The following CANT1 variants were observed in gnomAD, a reference collection of about 807,000 sequenced individuals.
CANT1 encodes the protein calcium activated nucleotidase 1.
A neutral mutation model predicts 30.0 loss-of-function variants in CANT1; 26 were observed. That is an observed-to-expected ratio of 0.87 (90% CI 0.64 to 1.20). CANT1 has a LOEUF of 1.20. Ranked by LOEUF, CANT1 falls within the 50% of genes most tolerant of loss-of-function variation. The pLI, the probability that CANT1 is intolerant of heterozygous loss-of-function variation, is 0.00. For missense variants in CANT1, 518 were observed against 563.0 expected (o/e 0.92, Z 0.81); for synonymous variants, 246 against 251.8 (o/e 0.98, Z 0.22).
rs145472081 is a variant in CANT1, at chr17:78,993,742, C to T, written c.1014G>A (p.Val338=). The T allele has an allele frequency of 1.2e-4, 187 of 1,613,888 alleles. No homozygotes were observed. The African/African-American group carries it at 2.4e-3, about 20-fold the overall frequency. The change falls in exon 5 of 5, where the codon GTG becomes GTA. Residue 338 remains valine, a synonymous_variant. Coordinates refer to ENST00000392446, the MANE Select transcript of CANT1 (RefSeq NM_001159773.2). The surrounding 1 kb of genome is among the most constrained non-coding windows in gnomAD (Gnocchi z 4.5). ...GDIAVSHVGA[V]VPTHGFSSFK... is the part of the protein sequence containing the mutation. Reference sequence around the variant, plus strand: ...AGGACGAGAAGCCGTGAGTGGGGACCACCGCCCCGACGTGGCTCACAGCGA... The same window carrying T: ...AGGACGAGAAGCCGTGAGTGGGGACTACCGCCCCGACGTGGCTCACAGCGA...
chr17:79,006,341 C>T (rs1393897248), intron 1 of CANT1: 1 of 152,258 alleles, frequency 6.6e-6, no homozygotes, highest in Admixed American at 6.5e-5. Flanking sequence ...TTCTTAAGGA[C>T]CCTGTGATTA....
chr17:78,997,079 C>A lies in CANT1; in HGVS notation c.544G>T (p.Asp182Tyr). 1 of 1,614,216 alleles carries A rather than the reference C, an allele frequency of 6.2e-7. No individual in the cohort carries two copies. The highest frequency in any genetic ancestry group is 8.5e-7 in the Non-Finnish European group (1 of 1,180,046). ...ATCTGGTAGACGACCCCCGTCCGGT[C>A]ATCCACGGAGTAGAGTTTCCCATTG... ...VFNGKLYSVDDRTGVVYQIEG... is the reference protein window; with the variant it reads ...VFNGKLYSVDYRTGVVYQIEG... The change falls in exon 3 of 5, where the codon GAC (aspartate) becomes TAC (tyrosine). Residue 182 changes from aspartate (D) to tyrosine (Y), a missense_variant. By Grantham distance (160) the Asp-to-Tyr change is radical. Transcript: ENST00000392446. This position sits in a 1 kb window ranked among gnomAD's most constrained non-coding sequence, Gnocchi z 7.5.
chr17:79,001,821 C>T (rs562085382), intron 1 of CANT1, among the ~76,000 whole-genome samples: 139 of 152,286 alleles, frequency 9.1e-4, no homozygotes, highest in African/African-American at 3.1e-3. Flanking sequence ...AAGACCCCCA[C>T]GCCTTTCTAG....
chr17:79,003,835 G>A (rs142789857), intron 1 of CANT1, among the ~76,000 whole-genome samples: 1,698 of 150,772 alleles, frequency 0.011, 30 homozygotes, highest in African/African-American at 0.038. Context: ...ACTCACAGGA[G>A]GAATAACCAC....
At position 78,993,562 on chromosome 17, in the gene CANT1, G is replaced by A. The variant is rs1032380679; in HGVS notation, c.1194C>T (p.Ile398=). 1 of 1,614,220 alleles carries A rather than the reference G, an allele frequency of 6.2e-7. No individual in the cohort carries two copies. The highest frequency in any genetic ancestry group is 1.3e-5 in the African/African-American group (1 of 75,070). ...TKIGSVKYEG[I]EFI ...TTTCCGTTTTGAGTTAAATGAACTC[G>A]ATGCCTTCGTATTTCACGCTTCCGA... Residue 398 remains isoleucine, a synonymous_variant, in exon 5 of 5, where the codon ATC becomes ATT. Coordinates refer to ENST00000392446, the MANE Select transcript of CANT1 (RefSeq NM_001159773.2). The surrounding 1 kb of genome is among the most constrained non-coding windows in gnomAD (Gnocchi z 4.5).
rs1322210584 is a variant in CANT1, at chr17:79,009,757, G to T, written c.-240C>A. ...GCTAACGGCCGGGACGGAGGAAGGT[G>T]GCCGACTTCCGCCCCGCGCGCGCTC... On this transcript the variant is annotated 5_prime_UTR_variant, in exon 1 of 5. Coordinates refer to ENST00000392446, the MANE Select transcript of CANT1 (RefSeq NM_001159773.2). 6.6e-6 allele frequency: 1 copy of T among 151,688 alleles called. No homozygotes were observed. 9.4% of individuals were successfully genotyped at this position (151,688 alleles called of 1,614,324 possible).
Position 78,993,928 on chromosome 17 carries a change from C to G in CANT1, c.836-8G>C. On this transcript the variant is annotated splice_polypyrimidine_tract_variant and splice_region_variant and intron_variant, in intron 4 of 4. Transcript: ENST00000392446. The surrounding 1 kb of genome is among the most constrained non-coding windows in gnomAD (Gnocchi z 4.5). Reference sequence around the variant, plus strand: ...ACTCATGGATGAGGTAGCCTGGGAACCGGGTGACCGCGGGTCAGACACGCA... The same window carrying G: ...ACTCATGGATGAGGTAGCCTGGGAAGCGGGTGACCGCGGGTCAGACACGCA... 6.4e-7 allele frequency: 1 copy of G among 1,569,088 alleles called. No individual in the cohort carries two copies. The highest frequency in any genetic ancestry group is 8.6e-7 in the Non-Finnish European group (1 of 1,164,982).
intron 1 of CANT1, among the ~76,000 whole-genome samples, chr17:79,007,769 C>G (rs1376137978): frequency 6.6e-6 from 1 of 152,154 alleles, no homozygotes; most frequent in Non-Finnish European, 1.5e-5. Context: ...AGCTTTTACA[C>G]CAACACATTT....
chr17:78,995,299 A>C lies in CANT1; in HGVS notation c.632-78T>G, dbSNP rs2070996476. ...GCACCTGGCTCCCACCCGGCCCCGC[A>C]CCTGTCCTTAGACCCCGCACCTGAC... On this transcript the variant is annotated intron_variant, in intron 3 of 4. Transcript: ENST00000392446. The surrounding 1 kb of genome is among the most constrained non-coding windows in gnomAD (Gnocchi z 5.7). 6.8e-7 allele frequency: 1 copy of C among 1,463,222 alleles called. No homozygotes were observed. The highest frequency in any genetic ancestry group is 9.3e-7 in the Non-Finnish European group (1 of 1,070,980). The allele number at this position is 1,463,222 out of a possible 1,614,324, so 90.6% of individuals were successfully genotyped here.
At position 78,993,955 on chromosome 17, in the gene CANT1, G is replaced by T. The variant is rs112679839; in HGVS notation, c.836-35C>A. The T allele has an allele frequency of 2.1e-4, 321 of 1,540,790 alleles. No individual in the cohort carries two copies. In the African/African-American group the frequency reaches 3.7e-3, roughly 18 times the overall value. On this transcript the variant is annotated intron_variant, in intron 4 of 4. Coordinates refer to ENST00000392446, the MANE Select transcript of CANT1 (RefSeq NM_001159773.2). This position sits in a 1 kb window ranked among gnomAD's most constrained non-coding sequence, Gnocchi z 4.5. ...GGGTGACCGCGGGTCAGACACGCAT[G>T]CGGCCTGGTGTGCCCAGCCCCACAC...
At chr17:78,994,638 G>C (rs978237385) in intron 4 of CANT1, among the ~76,000 whole-genome samples, 3 of 152,164 alleles carry the variant, frequency 2.0e-5, no homozygotes, top group African/African-American at 7.2e-5. Context: ...TTGGAGGCTG[G>C]GTGTGGTGGC....
chr17:78,994,020 A>G, intron 4 of CANT1, 100 bp from the exon 5 acceptor site: 1 of 1,426,254 alleles, frequency 7.0e-7, no homozygotes, highest in Non-Finnish European at 9.3e-7. Context: ...GGCTGCGACC[A>G]CCAGGGCCCA....
In CANT1 at chr17:78,997,329, C is replaced by T. The variant is rs759677564; in HGVS notation, c.294G>A (p.Arg98=). 5.6e-6 allele frequency: 9 copies of T among 1,614,120 alleles called. No individual in the cohort carries two copies. The South Asian group carries it at 7.7e-5, about 14-fold the overall frequency. Residue 98 remains arginine, a synonymous_variant, in exon 3 of 5, where the codon AGG becomes AGA. Transcript: ENST00000392446. The surrounding 1 kb of genome is among the most constrained non-coding windows in gnomAD (Gnocchi z 7.5). The part of the protein sequence containing the change: ...NDTYPLSPPQ[R]TPAGIRYRIA... ...TTCGATACCGAATCCCAGCCGGTGTCCTTTGTGGGGGAGACAGGGGGTAGG... is the reference window on the plus strand; with the variant it reads ...TTCGATACCGAATCCCAGCCGGTGTTCTTTGTGGGGGAGACAGGGGGTAGG...
chr17:79,001,498 T>A (rs1189789179), intron 1 of CANT1, among the ~76,000 whole-genome samples: 1 of 152,112 alleles, frequency 6.6e-6, no homozygotes, highest in Non-Finnish European at 1.5e-5. Flanking sequence ...TGCTGCTGAA[T>A]AAATGGCGAA....
In CANT1 at chr17:78,992,793, C is replaced by T; in HGVS notation, c.*757G>A. ...CGGGCTGGGTAACTACAGGACTGTG[C>T]TCTGTGTGATAAGATTTGGTGATTC... On this transcript the variant is annotated 3_prime_UTR_variant, in exon 5 of 5. Coordinates refer to ENST00000392446, the MANE Select transcript of CANT1 (RefSeq NM_001159773.2). The T allele has an allele frequency of 2.0e-6, 1 of 502,298 alleles. No individual in the cohort carries two copies. The highest frequency in any genetic ancestry group is 1.9e-5 in the African/African-American group (1 of 52,614). The allele number at this position is 502,298 out of a possible 1,614,324, so 31.1% of individuals were successfully genotyped here.
In CANT1 at chr17:78,996,179, G is replaced by T. The variant is rs541548425; in HGVS notation, c.631+813C>A. Among the ~76,000 whole-genome samples the T allele has an allele frequency of 2.0e-5, 3 of 152,190 alleles. No individual in the cohort carries two copies. The highest frequency in any genetic ancestry group is 4.4e-5 in the Non-Finnish European group (3 of 68,026). The stretch of plus-strand genomic sequence containing the variant: ...GGCAAACACTGAAGATTTTATCACC[G>T]GGTGTGGGGAGGGCCTGGCCGGCCA... On this transcript the variant is annotated intron_variant, in intron 3 of 4. Transcript: ENST00000392446. This position sits in a 1 kb window ranked among gnomAD's most constrained non-coding sequence, Gnocchi z 5.1.
intron 1 of CANT1, among the ~76,000 whole-genome samples, chr17:79,000,736 C>A: frequency 6.6e-6 from 1 of 152,236 alleles, no homozygotes; most frequent in Non-Finnish European, 1.5e-5. Flanking sequence ...AACAGTCGGG[C>A]CTGCTCTTCG....
rs146623949 is a variant in CANT1 at position 78,999,170 on chromosome 17, C to A, written c.-146-1207G>T. Among the ~76,000 whole-genome samples, 828 of 152,324 alleles carry A rather than the reference C, an allele frequency of 5.4e-3. 10 individuals carry two copies. The highest frequency in any genetic ancestry group is 0.019 in the African/African-American group (802 of 41,578). On this transcript the variant is annotated intron_variant, in intron 1 of 4. Transcript: ENST00000392446. ...GTTCAAGGAGTGAACAAGGCACATACGTGGAACCTGCTGCTCAGAGTGATC... is the reference window on the plus strand; with the variant it reads ...GTTCAAGGAGTGAACAAGGCACATAAGTGGAACCTGCTGCTCAGAGTGATC...
intron 1 of CANT1, among the ~76,000 whole-genome samples, chr17:78,999,055 C>T (rs2071147374): frequency 6.6e-6 from 1 of 152,248 alleles, no homozygotes; most frequent in South Asian, 2.1e-4. Flanking sequence ...TTCTCCACGC[C>T]GCAGCCTGCT....
Sources: allele counts gnomAD v4.1 joint callset (sites outside exome capture counted in the v4.1 genomes callset), GRCh38; gene constraint gnomAD v4.1.1; non-coding constraint Gnocchi (gnomAD v3.1); transcripts MANE v1.5; gene names NCBI Gene and HGNC (gene_info 2026-07-23, HGNC 2026-07-21).